Variants in KIF5C observed in about 807,000 individuals in gnomAD.
The protein encoded by KIF5C is kinesin heavy chain isoform 5C.
KIF5C carries 18 observed loss-of-function variants against 125.2 expected under a neutral mutation model. That is an observed-to-expected ratio of 0.14 (90% CI 0.10 to 0.21). The LOEUF (loss-of-function observed/expected upper bound fraction) is 0.21. Ranked by LOEUF, KIF5C falls within the 10% of genes least tolerant of loss-of-function variation. The pLI, the probability that KIF5C is intolerant of heterozygous loss-of-function variation, is 1.00. For missense variants in KIF5C, 780 were observed against 1,183.8 expected (o/e 0.66, Z 5.01); for synonymous variants, 405 against 434.0 (o/e 0.93, Z 0.83).
intron 2 of KIF5C, among the ~76,000 whole-genome samples, chr2:148,926,077 C>A (rs960898703): frequency 6.6e-6 from 1 of 152,174 alleles, no homozygotes; most frequent in African/African-American, 2.4e-5. Flanking sequence ...CGGTAGGAAG[C>A]CCCATGCCTC....
intron 17 of KIF5C, 42 bp downstream of exon 17, chr2:148,994,580 G>A: frequency 6.5e-7 from 1 of 1,540,200 alleles, no homozygotes; most frequent in Non-Finnish European, 8.8e-7. Context: ...CACCTGGCCT[G>A]AGTCAGACAG....
In KIF5C at chr2:148,998,393, G is replaced by A; in HGVS notation, c.2101-7G>A. The A allele has an allele frequency of 6.4e-7, 1 of 1,557,792 alleles. No individual in the cohort carries two copies. Among genetic ancestry groups the A allele is most frequent in the African/African-American group, 1.4e-5 (1 of 73,646 alleles). Reference sequence around the variant, plus strand: ...AGATGACATGTTTCTCTTGGCCTGGGATGCAGAAGGCGCTGGAGCAGCAGA... The same window carrying A: ...AGATGACATGTTTCTCTTGGCCTGGAATGCAGAAGGCGCTGGAGCAGCAGA... On this transcript the variant is annotated splice_polypyrimidine_tract_variant and splice_region_variant and intron_variant, in intron 18 of 25. Transcript: ENST00000435030.
chr2:149,002,799 G>A (rs1574829760), intron 21 of KIF5C, among the ~76,000 whole-genome samples: 1 of 152,158 alleles, frequency 6.6e-6, no homozygotes, highest in Non-Finnish European at 1.5e-5. Flanking sequence ...CCATGCTCAC[G>A]GACTCACATG....
intron 1 of KIF5C, among the ~76,000 whole-genome samples, chr2:148,886,886 A>G (rs1330810035): frequency 6.6e-6 from 1 of 152,228 alleles, no homozygotes; most frequent in Non-Finnish European, 1.5e-5. Context: ...TTTTCTTAAT[A>G]AATATGGCTC....
chr2:148,978,839 A>G (rs1681150940), intron 12 of KIF5C, 83 bp from the exon 13 acceptor site: 2 of 1,467,958 alleles, frequency 1.4e-6, no homozygotes, highest in Non-Finnish European at 1.8e-6. Context: ...CAGCAAGCTT[A>G]TGGTAGCTGC....
chr2:148,961,830 G>T (rs1682935328), intron 10 of KIF5C, 141 bp from the exon 11 acceptor site: 1 of 1,200,066 alleles, frequency 8.3e-7, no homozygotes. Flanking sequence ...GTCCAATTAG[G>T]AGGATGGTTG....
chr2:148,990,197 T>G (rs1681488198), intron 15 of KIF5C, among the ~76,000 whole-genome samples: 1 of 152,262 alleles, frequency 6.6e-6, no homozygotes, highest in African/African-American at 2.4e-5. Flanking sequence ...CCAAGTAGCT[T>G]GCTTCAACTT....
chr2:148,883,039 T>G (rs1298754263), intron 1 of KIF5C, among the ~76,000 whole-genome samples: 1 of 152,244 alleles, frequency 6.6e-6, no homozygotes, highest in African/African-American at 2.4e-5. Context: ...ATTGTCACTT[T>G]GACCTCTGTC....
chr2:148,903,674 T>C (rs1680990405), intron 1 of KIF5C, among the ~76,000 whole-genome samples: 1 of 152,186 alleles, frequency 6.6e-6, no homozygotes, highest in Non-Finnish European at 1.5e-5. Context: ...CAGAATCTTA[T>C]GAGAGAGCTG....
chr2:148,939,094 T>TAAA (rs66739683), intron 4 of KIF5C, among the ~76,000 whole-genome samples: 1 of 131,730 alleles, frequency 7.6e-6, no homozygotes, highest in African/African-American at 2.8e-5. Flanking sequence ...GATTCTGTCT[T>TAAA]AAAAAAAAAA....
chr2:148,997,204 T>C (rs955730157), intron 17 of KIF5C, 60 bp from the exon 18 acceptor site: 10 of 1,561,960 alleles, frequency 6.4e-6, no homozygotes, highest in Non-Finnish European at 8.7e-6. Flanking sequence ...TTTTAATTTT[T>C]GCTTTTGGGT....
intron 16 of KIF5C, among the ~76,000 whole-genome samples, chr2:148,991,497 G>A (rs146449032): frequency 5.3e-5 from 8 of 152,198 alleles, no homozygotes; most frequent in African/African-American, 1.7e-4. Context: ...TAAAACTCCT[G>A]TAAGTAAGGC....
intron 2 of KIF5C, among the ~76,000 whole-genome samples, chr2:148,926,685 T>C (rs1287885477): frequency 6.6e-6 from 1 of 152,060 alleles, no homozygotes; most frequent in Non-Finnish European, 1.5e-5. Flanking sequence ...AATCAAAACA[T>C]AGACTGAGCA....
intron 1 of KIF5C, chr2:148,879,387 A>G (rs531625054): frequency 2.0e-5 from 3 of 152,202 alleles, no homozygotes; most frequent in Non-Finnish European, 4.4e-5. Flanking sequence ...TGTGGGGAGT[A>G]GTTAAAAAAT....
At chr2:148,993,763 A>G (rs959085030) in intron 16 of KIF5C, among the ~76,000 whole-genome samples, 3 of 152,208 alleles carry the variant, frequency 2.0e-5, no homozygotes, top group African/African-American at 4.8e-5. Flanking sequence ...GCTCTCATTC[A>G]TCCATTCATT....
intron 17 of KIF5C, 24 bp downstream of exon 17, chr2:148,994,562 G>T: frequency 7.1e-6 from 11 of 1,551,256 alleles, no homozygotes; most frequent in Non-Finnish European, 5.2e-6. Context: ...TAACGTGCAG[G>T]TGTCAAACAC....
chr2:148,954,345 G>A (rs903429630), intron 10 of KIF5C, among the ~76,000 whole-genome samples: 1 of 152,166 alleles, frequency 6.6e-6, no homozygotes, highest in Non-Finnish European at 1.5e-5. Context: ...TCAAATTAGA[G>A]CACTTTTATT....
intron 21 of KIF5C, among the ~76,000 whole-genome samples, chr2:149,002,383 G>A (rs1374003328): frequency 1.3e-5 from 2 of 152,140 alleles, no homozygotes; most frequent in Non-Finnish European, 2.9e-5. Context: ...GGGCTCACAA[G>A]TCCCTTGCCC....
intron 1 of KIF5C, among the ~76,000 whole-genome samples, chr2:148,899,381 A>G (rs1680795007): frequency 6.6e-6 from 1 of 152,204 alleles, no homozygotes; most frequent in African/African-American, 2.4e-5. Flanking sequence ...AAATGAGAAC[A>G]TCTAGATGTG....
Sources: gnomAD v4.1 joint callset for allele counts (sites outside exome capture counted in the v4.1 genomes callset) on GRCh38, gnomAD v4.1.1 for gene constraint, MANE v1.5 for transcripts, NCBI Gene and HGNC (gene_info 2026-07-23, HGNC 2026-07-21) for gene names.